FER1L6: variants seen among roughly 807,000 people sequenced by gnomAD.
FER1L6 encodes fer-1 like family member 6.
A neutral mutation model predicts 219.2 loss-of-function variants in FER1L6; 177 were observed. The observed-to-expected ratio is 0.81, with a 90% CI of 0.71 to 0.91. FER1L6 has a LOEUF of 0.91. Ranked by LOEUF, FER1L6 falls within the 40% of genes least tolerant of loss-of-function variation. The probability of loss-of-function intolerance (pLI) is 0.00; values close to 1 mark genes in which losing one functional copy is unlikely to be tolerated. For missense variants in FER1L6, 2,153 were observed against 2,259.9 expected (o/e 0.95, Z 0.96); for synonymous variants, 768 against 824.3 (o/e 0.93, Z 1.17).
intron 1 of FER1L6, among the ~76,000 whole-genome samples, chr8:123,921,210 G>A (rs1813352289): frequency 6.6e-6 from 1 of 152,152 alleles, no homozygotes; most frequent in South Asian, 2.1e-4. Context: ...CCCAGAACCG[G>A]TATTGCTGGG....
chr8:123,940,646 A>G (rs554921197), intron 1 of FER1L6, among the ~76,000 whole-genome samples: 1 of 152,262 alleles, frequency 6.6e-6, no homozygotes, highest in Admixed American at 6.5e-5. Context: ...TCAGAGTTTC[A>G]CATCTTTTTG....
At chr8:124,100,439 C>T (rs1049508564) in intron 37 of FER1L6, among the ~76,000 whole-genome samples, 1 of 152,140 alleles carries the variant, frequency 6.6e-6, no homozygotes, top group Admixed American at 6.5e-5. Flanking sequence ...TTCCAGTGTA[C>T]AGATGAAACA....
intron 33 of FER1L6, among the ~76,000 whole-genome samples, chr8:124,090,706 A>C (rs1255686379): frequency 6.6e-6 from 1 of 152,224 alleles, no homozygotes; most frequent in African/African-American, 2.4e-5. Flanking sequence ...GCTGCATTGC[A>C]AGTTAATAAT....
intron 26 of FER1L6, among the ~76,000 whole-genome samples, chr8:124,065,719 G>A (rs1377510365): frequency 2.6e-5 from 4 of 152,168 alleles, no homozygotes; most frequent in Non-Finnish European, 4.4e-5. Context: ...CCCCGCACTC[G>A]ATAGAGTGCC....
intron 13 of FER1L6, among the ~76,000 whole-genome samples, chr8:124,009,442 G>T (rs370372805): frequency 6.6e-6 from 1 of 152,146 alleles, no homozygotes; most frequent in Non-Finnish European, 1.5e-5. Flanking sequence ...GAGCCCAGGG[G>T]AGGAGCCGGT....
chr8:123,931,694 A>G (rs1324505590), intron 1 of FER1L6, among the ~76,000 whole-genome samples: 2 of 152,180 alleles, frequency 1.3e-5, no homozygotes, highest in Non-Finnish European at 2.9e-5. Context: ...CAATTTCTCT[A>G]CAAGTGACAT....
At chr8:124,103,084 G>T (rs571749983) in intron 38 of FER1L6, 62 bp from the exon 39 acceptor site, 1 of 1,435,466 alleles carries the variant, frequency 7.0e-7, no homozygotes. Context: ...GATGGTGATT[G>T]AGAAGCTCTT....
intron 1 of FER1L6, among the ~76,000 whole-genome samples, chr8:123,922,075 G>T (rs949502818): frequency 6.6e-6 from 1 of 152,220 alleles, no homozygotes; most frequent in Non-Finnish European, 1.5e-5. Context: ...TGCCTCAGGT[G>T]GTTTCCAGTG....
intron 25 of FER1L6, among the ~76,000 whole-genome samples, chr8:124,063,644 G>GTCTA (rs759330631): frequency 1.4e-4 from 22 of 152,280 alleles, no homozygotes; most frequent in Admixed American, 9.1e-4. Context: ...GTTTCTTTGT[G>GTCTA]TCTATGCCCA....
chr8:123,970,960 G>A (rs544206857), intron 6 of FER1L6, among the ~76,000 whole-genome samples: 16 of 152,306 alleles, frequency 1.1e-4, no homozygotes, highest in African/African-American at 3.4e-4. Context: ...AGGTGGTGAA[G>A]GATGGCTGGA....
At chr8:123,953,546 C>T (rs1814873267) in intron 1 of FER1L6, among the ~76,000 whole-genome samples, 1 of 152,196 alleles carries the variant, frequency 6.6e-6, no homozygotes, top group South Asian at 2.1e-4. Flanking sequence ...TTCCCCAGCC[C>T]ATGACAGCGT....
At chr8:123,972,545 G>A (rs918559355) in intron 6 of FER1L6, among the ~76,000 whole-genome samples, 1 of 152,120 alleles carries the variant, frequency 6.6e-6, no homozygotes, top group Non-Finnish European at 1.5e-5. Context: ...GGCATAACTT[G>A]ATTATTTGCA....
intron 1 of FER1L6, among the ~76,000 whole-genome samples, chr8:123,889,882 C>T (rs552483911): frequency 4.3e-4 from 66 of 152,036 alleles, no homozygotes; most frequent in African/African-American, 1.3e-3. Flanking sequence ...AGATGGTCTG[C>T]GTAAGTCATA....
At chr8:124,028,310 T>C (rs1029327725) in intron 18 of FER1L6, among the ~76,000 whole-genome samples, 8 of 152,242 alleles carry the variant, frequency 5.3e-5, no homozygotes, top group African/African-American at 1.9e-4. Context: ...TTATATAAAC[T>C]TGATAAAATA....
chr8:123,941,229 G>T (rs1814226852), intron 1 of FER1L6, among the ~76,000 whole-genome samples: 1 of 152,166 alleles, frequency 6.6e-6, no homozygotes, highest in African/African-American at 2.4e-5. Flanking sequence ...AAAGGAAAAA[G>T]CTCTGGGAAC....
At chr8:124,098,741 T>C (rs1464975010) in intron 37 of FER1L6, among the ~76,000 whole-genome samples, 1 of 152,198 alleles carries the variant, frequency 6.6e-6, no homozygotes, top group Non-Finnish European at 1.5e-5. Context: ...GCTTGAAATA[T>C]GGAAGGATTC....
At chr8:123,993,391 G>A (rs1236171212) in intron 12 of FER1L6, among the ~76,000 whole-genome samples, 1 of 146,838 alleles carries the variant, frequency 6.8e-6, no homozygotes, top group Non-Finnish European at 1.5e-5. Context: ...GCAGTGAGCC[G>A]AGATCCCGCC....
intron 38 of FER1L6, among the ~76,000 whole-genome samples, chr8:124,102,209 G>A (rs559660532): frequency 4.6e-4 from 70 of 152,256 alleles, no homozygotes; most frequent in African/African-American, 1.5e-3. Flanking sequence ...AGCTTTTCAC[G>A]TTAATTTTAG....
chr8:123,923,941 GA>G (rs60137127), intron 1 of FER1L6, among the ~76,000 whole-genome samples: 40,209 of 94,736 alleles, frequency 0.42, 7,022 homozygotes, highest in South Asian at 0.55. Context: ...CTCCAACTAA[GA>G]AAAAAAAAAA....
Sources: allele counts gnomAD v4.1 joint callset (sites outside exome capture counted in the v4.1 genomes callset), GRCh38; gene constraint gnomAD v4.1.1; transcripts MANE v1.5; gene names NCBI Gene and HGNC (gene_info 2026-07-23, HGNC 2026-07-21).